DPYD: variants seen among roughly 807,000 people sequenced by gnomAD.
The protein encoded by DPYD is dihydropyrimidine dehydrogenase [NADP(+)].
DPYD carries 109 observed loss-of-function variants against 116.2 expected under a neutral mutation model. The ratio of observed to expected loss-of-function variants is 0.94; its 90% CI spans 0.80 to 1.10. DPYD has a LOEUF of 1.10. DPYD is among the 50% of genes least tolerant of loss of function. DPYD has a pLI of 0.00. For missense variants in DPYD, 1,302 were observed against 1,254.5 expected (o/e 1.04, Z -0.57); for synonymous variants, 440 against 432.0 (o/e 1.02, Z -0.23).
At chr1:97,710,897 C>T (rs956639300) in intron 5 of DPYD, among the ~76,000 whole-genome samples, 3 of 151,652 alleles carry the variant, frequency 2.0e-5, no homozygotes, top group African/African-American at 7.3e-5. Flanking sequence ...AAATTGACAC[C>T]TAAGCCAAAC....
At chr1:97,089,827 GTTT>G (rs112112819) in intron 21 of DPYD, among the ~76,000 whole-genome samples, 3,124 of 126,532 alleles carry the variant, frequency 0.025, 56 homozygotes, top group African/African-American at 0.06. Flanking sequence ...CATTTTGTTT[GTTT>G]TTTTTTTTTT....
intron 18 of DPYD, among the ~76,000 whole-genome samples, chr1:97,292,747 C>T (rs1319325834): frequency 1.3e-5 from 2 of 148,978 alleles, no homozygotes; most frequent in Non-Finnish European, 3.0e-5. Context: ...CACACACACA[C>T]TATTTCTACA....
intron 5 of DPYD, among the ~76,000 whole-genome samples, chr1:97,713,455 T>C (rs1240110961): frequency 1.3e-5 from 2 of 152,146 alleles, no homozygotes; most frequent in African/African-American, 4.8e-5. Flanking sequence ...CAAACTAAAA[T>C]ATTGTAATAA....
chr1:97,465,690 T>C (rs1026919461), intron 13 of DPYD, among the ~76,000 whole-genome samples: 1 of 152,168 alleles, frequency 6.6e-6, no homozygotes, highest in African/African-American at 2.4e-5. Flanking sequence ...TCCCCAGATA[T>C]ATGGAATTGT....
chr1:97,316,082 C>T (rs543261321), intron 16 of DPYD, among the ~76,000 whole-genome samples: 3 of 152,072 alleles, frequency 2.0e-5, no homozygotes, highest in African/African-American at 7.2e-5. Flanking sequence ...GCCTTTGTGT[C>T]CGCAAGACAA....
At chr1:97,485,957 T>C (rs1192117929) in intron 13 of DPYD, among the ~76,000 whole-genome samples, 4 of 152,172 alleles carry the variant, frequency 2.6e-5, no homozygotes, top group African/African-American at 9.7e-5. Context: ...ATGAATGATA[T>C]TGCAATATTG....
At chr1:97,149,720 A>G (rs1198908280) in intron 20 of DPYD, among the ~76,000 whole-genome samples, 1 of 152,232 alleles carries the variant, frequency 6.6e-6, no homozygotes, top group African/African-American at 2.4e-5. Flanking sequence ...TGGAGTTGTC[A>G]GAGCATTAAT....
chr1:97,345,833 T>C (rs1171798626), intron 16 of DPYD, among the ~76,000 whole-genome samples: 1 of 151,944 alleles, frequency 6.6e-6, no homozygotes, highest in African/African-American at 2.4e-5. Context: ...TCTTAATCAC[T>C]ATGAAACCTG....
chr1:97,461,796 T>C (rs891372319), intron 13 of DPYD, among the ~76,000 whole-genome samples: 1 of 152,256 alleles, frequency 6.6e-6, no homozygotes, highest in Admixed American at 6.5e-5. Flanking sequence ...CTACAGCACT[T>C]AGCCTTAACA....
chr1:97,558,038 G>A (rs1248790768), intron 11 of DPYD, among the ~76,000 whole-genome samples: 1 of 152,128 alleles, frequency 6.6e-6, no homozygotes, highest in Non-Finnish European at 1.5e-5. Context: ...ACTCTCCACA[G>A]TCTCATAAAA....
intron 8 of DPYD, among the ~76,000 whole-genome samples, chr1:97,671,160 C>T (rs951099098): frequency 5.3e-5 from 8 of 151,624 alleles, no homozygotes; most frequent in Non-Finnish European, 8.8e-5. Context: ...TACAATAATA[C>T]GGAAGACATC....
At chr1:97,705,641 A>G (rs1324683061) in intron 5 of DPYD, among the ~76,000 whole-genome samples, 1 of 152,106 alleles carries the variant, frequency 6.6e-6, no homozygotes, top group Admixed American at 6.6e-5. Context: ...TCCTTTGGGT[A>G]TATACCCAGT....
At chr1:97,386,911 T>C (rs561926802) in intron 14 of DPYD, among the ~76,000 whole-genome samples, 1 of 152,108 alleles carries the variant, frequency 6.6e-6, no homozygotes, top group South Asian at 2.1e-4. Flanking sequence ...AGGAAGCCCT[T>C]CAGTATTTTG....
intron 20 of DPYD, among the ~76,000 whole-genome samples, chr1:97,191,732 G>T (rs1273385657): frequency 1.3e-5 from 2 of 152,006 alleles, no homozygotes; most frequent in African/African-American, 4.8e-5. Flanking sequence ...TTTTATAGAT[G>T]GTCATAAACT....
At chr1:97,764,930 G>GT (rs1029370471) in intron 3 of DPYD, among the ~76,000 whole-genome samples, 1 of 152,060 alleles carries the variant, frequency 6.6e-6, no homozygotes, top group Non-Finnish European at 1.5e-5. Flanking sequence ...AGATGTTATA[G>GT]TTTAAGTATA....
intron 14 of DPYD, among the ~76,000 whole-genome samples, chr1:97,391,173 C>T (rs192869167): frequency 1.4e-3 from 216 of 150,724 alleles, no homozygotes; most frequent in African/African-American, 5.1e-3. Flanking sequence ...ACATCATATT[C>T]GCAATGACTG....
intron 13 of DPYD, among the ~76,000 whole-genome samples, chr1:97,485,156 T>C (rs1416740084): frequency 1.3e-5 from 2 of 152,106 alleles, no homozygotes; most frequent in Non-Finnish European, 2.9e-5. Flanking sequence ...TTGTATTGGA[T>C]CTTCCCTATT....
chr1:97,649,777 T>A (rs1034263530), intron 8 of DPYD, among the ~76,000 whole-genome samples: 6 of 151,986 alleles, frequency 3.9e-5, no homozygotes, highest in Admixed American at 3.3e-4. Flanking sequence ...TGAAAGACAC[T>A]CTTATTTTTA....
intron 1 of DPYD, among the ~76,000 whole-genome samples, chr1:97,892,379 T>C (rs1016948115): frequency 2.0e-5 from 3 of 151,844 alleles, no homozygotes; most frequent in African/African-American, 7.2e-5. Context: ...CGCTTCTCCA[T>C]GTCTCTCATT....
Sources: allele counts gnomAD v4.1 joint callset (sites outside exome capture counted in the v4.1 genomes callset), GRCh38; gene constraint gnomAD v4.1.1; transcripts MANE v1.5; gene names NCBI Gene and HGNC (gene_info 2026-07-23, HGNC 2026-07-21).